ARMC6: variants seen among roughly 807,000 people sequenced by gnomAD.
ARMC6 encodes armadillo repeat containing 6, also known as armadillo repeat-containing protein 6.
A neutral mutation model predicts 49.2 loss-of-function variants in ARMC6; 43 were observed. That is an observed-to-expected ratio of 0.87 (90% CI 0.69 to 1.13). ARMC6 has a LOEUF of 1.13. ARMC6 is among the 50% of genes most tolerant of loss of function. The probability of loss-of-function intolerance (pLI) is 0.00; values close to 1 mark genes in which losing one functional copy is unlikely to be tolerated. For synonymous variants in ARMC6, 262 were observed against 289.6 expected (o/e 0.90, Z 0.97); for missense variants, 627 against 682.0 (o/e 0.92, Z 0.90).
In ARMC6 at chr19:19,052,125, T is replaced by C. The variant is rs760324640; in HGVS notation, c.783T>C (p.His261=). 4 of 1,613,772 alleles carry C rather than the reference T, an allele frequency of 2.5e-6. No homozygotes were observed. The highest frequency in any genetic ancestry group is 1.3e-5 in the African/African-American group (1 of 74,950). The change falls in exon 5 of 9, where the codon CAT becomes CAC. Residue 261 remains histidine (H), a synonymous_variant. Coordinates refer to ENST00000535612, the MANE Select transcript of ARMC6 (RefSeq NM_001199196.2). ...FDDDIRVPFG[H]AHNHAKMIVQ... ...ACGACATCCGTGTGCCCTTTGGCCA[T>C]GCCCACAACCATGCCAAGATGATTG...
intron 2 of ARMC6, among the ~76,000 whole-genome samples, chr19:19,035,010 C>A (rs1185975650): frequency 6.6e-6 from 1 of 152,240 alleles, no homozygotes; most frequent in East Asian, 1.9e-4. Context: ...TACAGGCACC[C>A]GCCACCACGC....
In ARMC6 at chr19:19,054,374, C is replaced by T. The variant is rs1435623169; in HGVS notation, c.1023+53C>T. On this transcript the variant is annotated intron_variant, in intron 6 of 8. Coordinates refer to ENST00000535612, the MANE Select transcript of ARMC6 (RefSeq NM_001199196.2). ...GCTGTCCTTCTGGGTCCCAGTCAAC[C>T]GGACGAGCTATAGTCAGAACAAGCC... is the stretch of plus-strand genomic sequence containing the variant. 4.2e-5 allele frequency: 60 copies of T among 1,444,324 alleles called. 1 individual carries two copies. Among genetic ancestry groups the T allele is most frequent in the South Asian group, 3.6e-4 (24 of 67,364 alleles). The allele number at this position is 1,444,324 out of a possible 1,614,324, so 89.5% of individuals were successfully genotyped here.
chr19:19,057,379 G>T, intron 8 of ARMC6, 37 bp from the exon 9 acceptor site: 2 of 1,586,426 alleles, frequency 1.3e-6, no homozygotes, highest in Non-Finnish European at 1.7e-6. Context: ...CCACCCCAAA[G>T]CCCCATCTGG....
At chr19:19,045,503 T>TTTTTTTTTTTTTTTTTTTTTTTTC (rs1179872355) in intron 4 of ARMC6, among the ~76,000 whole-genome samples, 2 of 141,016 alleles carry the variant, frequency 1.4e-5, no homozygotes, top group African/African-American at 5.5e-5. Flanking sequence ...CTTTTTTTTT[T>TTTTTTTTTTTTTTTTTTTTTTTTC]TGAGACAAGA....
chr19:19,046,652 G>A (rs907772104), intron 4 of ARMC6, among the ~76,000 whole-genome samples: 4 of 151,764 alleles, frequency 2.6e-5, no homozygotes, highest in African/African-American at 9.7e-5. Flanking sequence ...GCACCACCAC[G>A]CCCAGCGGAT....
chr19:19,051,273 G>A (rs2059492604), intron 4 of ARMC6, among the ~76,000 whole-genome samples: 1 of 152,170 alleles, frequency 6.6e-6, no homozygotes, highest in South Asian at 2.1e-4. Flanking sequence ...ATCGCTTGGG[G>A]CCTCTTGATG....
At chr19:19,042,969 C>T in intron 3 of ARMC6, 92 bp downstream of exon 3, 1 of 1,495,826 alleles carries the variant, frequency 6.7e-7, no homozygotes, top group South Asian at 1.2e-5. Flanking sequence ...GGGGGTGCCA[C>T]ATGCCTGGCA....
rs369181169 is a variant in ARMC6, at chr19:19,045,646, C to T, written c.279+1572C>T. Reference sequence around the variant, plus strand: ...GGGATTACAGGTGCACACCACCATGCCCAGCTAATTTTTTTTTTTTTTTGA... The same window carrying T: ...GGGATTACAGGTGCACACCACCATGTCCAGCTAATTTTTTTTTTTTTTTGA... On this transcript the variant is annotated intron_variant, in intron 4 of 8. Transcript: ENST00000535612. Among the ~76,000 whole-genome samples, 721 of 116,942 alleles carry T rather than the reference C, an allele frequency of 6.2e-3. 9 individuals are homozygous for T. The highest frequency in any genetic ancestry group is 0.023 in the Middle Eastern group (6 of 256). 76.7% of individuals were successfully genotyped at this position (116,942 alleles called of 152,430 possible).
rs962669355 is a variant in ARMC6, at chr19:19,057,684, G to A, written c.*56G>A. The A allele has an allele frequency of 3.4e-5, 52 of 1,536,448 alleles. 1 individual carries two copies. In the East Asian group the frequency reaches 1.0e-3, roughly 31 times the overall value. ...GTGAGTCGTGTGACTCAGGAATGGG[G>A]GTAGATCCATGTCCTCCACTGTCCC... On this transcript the variant is annotated 3_prime_UTR_variant, in exon 9 of 9. Transcript: ENST00000535612.
rs189305421 is a variant in ARMC6 at position 19,044,358 on chromosome 19, G to A, written c.279+284G>A. 1.8e-3 allele frequency among the ~76,000 whole-genome samples: 280 copies of A among 152,344 alleles called. 1 individual carries two copies. Among genetic ancestry groups the A allele is most frequent in the Non-Finnish European group, 2.3e-3 (154 of 68,038 alleles). On this transcript the variant is annotated intron_variant, in intron 4 of 8. Coordinates refer to ENST00000535612, the MANE Select transcript of ARMC6 (RefSeq NM_001199196.2). The stretch of plus-strand genomic sequence containing the variant: ...ATCCCAGAGTCAGGGACACCATAGA[G>A]GTGCCCCTCTGGCTTCCCAGAGACA...
At chr19:19,050,799 A>G (rs1048938085) in intron 4 of ARMC6, among the ~76,000 whole-genome samples, 2 of 152,200 alleles carry the variant, frequency 1.3e-5, no homozygotes, top group African/African-American at 4.8e-5. Flanking sequence ...GTGTCAGTCA[A>G]TGCCAAATCA....
At chr19:19,042,257 C>T (rs1049206648) in intron 2 of ARMC6, among the ~76,000 whole-genome samples, 4 of 152,094 alleles carry the variant, frequency 2.6e-5, no homozygotes, top group East Asian at 1.9e-4. Flanking sequence ...TTGCTACATC[C>T]GTAATAGTTT....
At chr19:19,048,594 A>T (rs2059471076) in intron 4 of ARMC6, among the ~76,000 whole-genome samples, 1 of 152,158 alleles carries the variant, frequency 6.6e-6, no homozygotes, top group African/African-American at 2.4e-5. Context: ...TATTTTGCTT[A>T]AGACGGGTTG....
At chr19:19,048,056 C>G (rs2059465802) in intron 4 of ARMC6, among the ~76,000 whole-genome samples, 1 of 151,858 alleles carries the variant, frequency 6.6e-6, no homozygotes, top group African/African-American at 2.4e-5. Flanking sequence ...ACAAAAAATA[C>G]AAAAATTAGG....
intron 2 of ARMC6, chr19:19,037,581 G>A: frequency 1.8e-6 from 2 of 1,119,844 alleles, no homozygotes; most frequent in Non-Finnish European, 2.4e-6. Flanking sequence ...GTCCAGGCTG[G>A]TCTCAAACTC....
At chr19:19,034,769 T>A (rs1568484604) in intron 2 of ARMC6, among the ~76,000 whole-genome samples, 1 of 151,650 alleles carries the variant, frequency 6.6e-6, no homozygotes, top group Non-Finnish European at 1.5e-5. Flanking sequence ...TTGTATTTTT[T>A]TTTTTTTTGA....
chr19:19,040,654 C>CTTT (rs34338156), intron 2 of ARMC6: 186 of 275,422 alleles, frequency 6.8e-4, no homozygotes, highest in South Asian at 1.4e-3. Context: ...CAGAGTTTGA[C>CTTT]TTTTTTTTTT....
intron 2 of ARMC6, among the ~76,000 whole-genome samples, chr19:19,038,722 C>T (rs951620975): frequency 2.6e-5 from 4 of 152,234 alleles, no homozygotes; most frequent in African/African-American, 9.6e-5. Flanking sequence ...GGATTACAGG[C>T]GCCCCACTAA....
At position 19,055,122 on chromosome 19, in the gene ARMC6, C is replaced by A; in HGVS notation, c.1024-143C>A. On this transcript the variant is annotated intron_variant, in intron 6 of 8. Transcript: ENST00000535612. The surrounding 1 kb of genome is among the most constrained non-coding windows in gnomAD (Gnocchi z 5.7). ...CACAGGCAGCCTGAGCCACAGGCAT[C>A]TGCCACCCCTTCTCGTTAGTCACAC... 9.0e-7 allele frequency: 1 copy of A among 1,110,678 alleles called. No individual in the cohort carries two copies. Among genetic ancestry groups the A allele is most frequent in the Non-Finnish European group, 1.2e-6 (1 of 807,272 alleles). 68.8% of individuals were successfully genotyped at this position (1,110,678 alleles called of 1,614,324 possible).
Sources: gnomAD v4.1 joint callset for allele counts (sites outside exome capture counted in the v4.1 genomes callset) on GRCh38, gnomAD v4.1.1 for gene constraint, Gnocchi (gnomAD v3.1) non-coding constraint, MANE v1.5 for transcripts, NCBI Gene and HGNC (gene_info 2026-07-23, HGNC 2026-07-21) for gene names.